The following FSHR variants were observed in gnomAD, a reference collection of about 807,000 sequenced individuals.
The protein encoded by FSHR is follicle stimulating hormone receptor.
In FSHR, 46 loss-of-function variants were observed where a neutral mutation model predicts 52.1. The observed-to-expected ratio is 0.88, with a 90% CI of 0.70 to 1.13. The LOEUF (loss-of-function observed/expected upper bound fraction) is 1.13, where lower values mean the gene tolerates loss of function less well. Ranked by LOEUF, FSHR falls within the 50% of genes most tolerant of loss-of-function variation. The pLI is 0.00. For missense variants in FSHR, 964 were observed against 834.6 expected (o/e 1.16, Z -1.91); for synonymous variants, 399 against 309.6 (o/e 1.29, Z -3.03).
intron 2 of FSHR, among the ~76,000 whole-genome samples, chr2:49,030,206 C>G (rs1430579506): frequency 6.6e-6 from 1 of 150,604 alleles, no homozygotes; most frequent in African/African-American, 2.4e-5. Context: ...CCCCTACAAG[C>G]CAGTAAGCCA....
chr2:49,057,994 A>G (rs1226900550), intron 2 of FSHR, among the ~76,000 whole-genome samples: 2 of 152,206 alleles, frequency 1.3e-5, no homozygotes, highest in African/African-American at 4.8e-5. Context: ...CTCTCAATAA[A>G]TTAGGTATAG....
chr2:49,095,570 T>C (rs1287040717), intron 1 of FSHR, among the ~76,000 whole-genome samples: 6 of 152,186 alleles, frequency 3.9e-5, no homozygotes, highest in Non-Finnish European at 8.8e-5. Flanking sequence ...GATTAGTCAA[T>C]TGTTTCTTAA....
At chr2:49,022,206 C>T (rs114399212) in intron 2 of FSHR, among the ~76,000 whole-genome samples, 1,814 of 152,128 alleles carry the variant, frequency 0.012, 43 homozygotes, top group African/African-American at 0.041. Context: ...CTCGTAGAGA[C>T]ATATGTCCTT....
At chr2:49,130,313 G>A (rs928168357) in intron 1 of FSHR, among the ~76,000 whole-genome samples, 2 of 152,240 alleles carry the variant, frequency 1.3e-5, no homozygotes, top group South Asian at 2.1e-4. Context: ...TGGAATCTCT[G>A]CTCTGCTCCC....
intron 1 of FSHR, among the ~76,000 whole-genome samples, chr2:49,149,659 C>T (rs1454463416): frequency 6.6e-6 from 1 of 151,978 alleles, no homozygotes; most frequent in African/African-American, 2.4e-5. Flanking sequence ...TCCCTCTGAA[C>T]TAAGGACCTA....
At chr2:49,128,689 T>C (rs983850300) in intron 1 of FSHR, among the ~76,000 whole-genome samples, 2 of 149,908 alleles carry the variant, frequency 1.3e-5, no homozygotes, top group African/African-American at 5.0e-5. Flanking sequence ...TTTTTTTTTT[T>C]TCTATAAAAA....
chr2:49,054,129 CT>C (rs1318035486), intron 2 of FSHR, among the ~76,000 whole-genome samples: 1 of 152,270 alleles, frequency 6.6e-6, no homozygotes, highest in African/African-American at 2.4e-5. Context: ...AGAATTTGAT[CT>C]GTTTAAGCCT....
chr2:49,136,862 C>T (rs923096327), intron 1 of FSHR, among the ~76,000 whole-genome samples: 4 of 152,044 alleles, frequency 2.6e-5, no homozygotes, highest in Admixed American at 6.6e-5. Flanking sequence ...GAAACTTCCG[C>T]AGTCTGATAA....
At chr2:49,139,834 G>T (rs1453948190) in intron 1 of FSHR, among the ~76,000 whole-genome samples, 1 of 151,984 alleles carries the variant, frequency 6.6e-6, no homozygotes, top group Non-Finnish European at 1.5e-5. Flanking sequence ...TCCTGACCTC[G>T]TGATCAGCCT....
At chr2:49,116,035 A>G (rs1671585455) in intron 1 of FSHR, among the ~76,000 whole-genome samples, 1 of 152,158 alleles carries the variant, frequency 6.6e-6, no homozygotes, top group Non-Finnish European at 1.5e-5. Context: ...GAAGAGAGCG[A>G]GGAGACTATT....
At chr2:49,065,048 A>G (rs1669450428) in intron 2 of FSHR, among the ~76,000 whole-genome samples, 1 of 152,150 alleles carries the variant, frequency 6.6e-6, no homozygotes, top group Non-Finnish European at 1.5e-5. Context: ...TGTGCCAGAC[A>G]TTGTCCAAAG....
chr2:49,057,725 G>C (rs1470952695), intron 2 of FSHR, among the ~76,000 whole-genome samples: 1 of 152,018 alleles, frequency 6.6e-6, no homozygotes, highest in Non-Finnish European at 1.5e-5. Flanking sequence ...GCAAAAAAAA[G>C]AAAACGTAGG....
chr2:48,967,766 C>A (rs757568737), intron 9 of FSHR, among the ~76,000 whole-genome samples: 1 of 152,106 alleles, frequency 6.6e-6, no homozygotes, highest in Non-Finnish European at 1.5e-5. Context: ...AGGAATATGT[C>A]CACATGGACT....
At chr2:49,042,623 G>C (rs770223892) in intron 2 of FSHR, among the ~76,000 whole-genome samples, 4 of 152,162 alleles carry the variant, frequency 2.6e-5, no homozygotes, top group Non-Finnish European at 4.4e-5. Context: ...ACAGGACATA[G>C]TTTTGCTTTT....
At position 48,963,311 on chromosome 2, in the gene FSHR, G is replaced by C; in HGVS notation, c.1510C>G (p.Pro504Ala). 6.2e-7 allele frequency: 1 copy of C among 1,614,074 alleles called. No individual in the cohort carries two copies. The highest frequency in any genetic ancestry group is 1.1e-5 in the South Asian group (1 of 91,050). Residue 504 changes from proline to alanine, a missense_variant, in exon 10 of 10, where the codon CCC becomes GCC. By Grantham distance (27) the Pro-to-Ala change is conservative (BLOSUM62 -1). Coordinates refer to ENST00000406846, the MANE Select transcript of FSHR (RefSeq NM_000145.4). ...ATGTAGCTGCTGATGCCAAAGATGG[G>C]AAAGAGGGCAGCTGCAAAAGCAAAA... ...WIFAFAAALF[P>A]IFGISSYMKV...
chr2:49,078,338 G>A, intron 1 of FSHR, among the ~76,000 whole-genome samples: 1 of 152,124 alleles, frequency 6.6e-6, no homozygotes, highest in East Asian at 1.9e-4. Context: ...GCACGGGAAA[G>A]ACCTGCCCTC....
chr2:48,984,296 A>G (rs932914163), intron 6 of FSHR, among the ~76,000 whole-genome samples: 8 of 152,210 alleles, frequency 5.3e-5, no homozygotes, highest in African/African-American at 1.9e-4. Context: ...ATGGCAAAGA[A>G]GTGGCTATGC....
chr2:48,963,131 A>G lies in FSHR; in HGVS notation c.1690T>C (p.Ser564Pro), dbSNP rs1380592129. ...TTGGCGATCCTGGTGTCACTAGAGG[A>G]GGACACGATGTTGGGGTTCCGCACT... ...LTVRNPNIVSSSSDTRIAKRM... is the reference protein window; with the variant it reads ...LTVRNPNIVSPSSDTRIAKRM... Residue 564 changes from serine to proline, a missense_variant, in exon 10 of 10, where the codon TCC becomes CCC. By Grantham distance (74) the Ser-to-Pro change is moderately conservative. Coordinates refer to ENST00000406846, the MANE Select transcript of FSHR (RefSeq NM_000145.4). 1.9e-6 allele frequency: 3 copies of G among 1,614,086 alleles called. No individual in the cohort carries two copies. The South Asian group carries it at 3.3e-5, about 18-fold the overall frequency.
At chr2:49,049,851 A>ATAT (rs1668791622) in intron 2 of FSHR, among the ~76,000 whole-genome samples, 1 of 143,724 alleles carries the variant, frequency 7.0e-6, no homozygotes, top group African/African-American at 2.6e-5. Flanking sequence ...ATATATATAT[A>ATAT]ATAAAAACCA....
Sources: gnomAD v4.1 joint callset for allele counts (sites outside exome capture counted in the v4.1 genomes callset) on GRCh38, gnomAD v4.1.1 for gene constraint, MANE v1.5 for transcripts, NCBI Gene and HGNC (gene_info 2026-07-23, HGNC 2026-07-21) for gene names.